The following TIAM1 variants were observed in gnomAD, a reference collection of about 807,000 sequenced individuals.
The protein encoded by TIAM1 is TIAM Rac1 associated GEF 1, also known as rho guanine nucleotide exchange factor TIAM1.
TIAM1 carries 65 observed loss-of-function variants against 163.5 expected under a neutral mutation model. The observed-to-expected ratio is 0.40, with a 90% CI of 0.33 to 0.49. The LOEUF (loss-of-function observed/expected upper bound fraction) is 0.49, where lower values mean the gene tolerates loss of function less well. TIAM1 is among the 20% of genes least tolerant of loss of function. TIAM1 has a pLI of 0.77. For missense variants in TIAM1, 1,789 were observed against 2,044.7 expected (o/e 0.87, Z 2.41); for synonymous variants, 833 against 810.1 (o/e 1.03, Z -0.48).
intron 2 of TIAM1, among the ~76,000 whole-genome samples, chr21:31,375,188 C>T (rs1199322179): frequency 2.0e-5 from 3 of 152,124 alleles, no homozygotes; most frequent in Non-Finnish European, 4.4e-5. Flanking sequence ...GGTTGGCTTT[C>T]ACAAACATTT....
chr21:31,208,585 A>C (rs1000012194), intron 11 of TIAM1, among the ~76,000 whole-genome samples: 11 of 152,244 alleles, frequency 7.2e-5, no homozygotes, highest in Admixed American at 2.0e-4. Context: ...GATTCAAAGC[A>C]CACAGAGAGG....
intron 2 of TIAM1, among the ~76,000 whole-genome samples, chr21:31,418,238 A>G (rs2043440501): frequency 6.7e-6 from 1 of 148,900 alleles, no homozygotes; most frequent in Non-Finnish European, 1.5e-5. Flanking sequence ...GCTACTCGGG[A>G]GGCTGAGACA....
intron 2 of TIAM1, among the ~76,000 whole-genome samples, chr21:31,410,493 G>C (rs978920198): frequency 1.5e-5 from 1 of 67,194 alleles, no homozygotes; most frequent in South Asian, 8.2e-4. Context: ...AAGAGTGTGT[G>C]TGATAGTGTG....
chr21:31,333,434 C>G (rs1424921861), intron 2 of TIAM1, among the ~76,000 whole-genome samples: 2 of 152,028 alleles, frequency 1.3e-5, no homozygotes, highest in African/African-American at 4.8e-5. Flanking sequence ...CTTCTATGAA[C>G]TCTCTTTTTG....
intron 15 of TIAM1, among the ~76,000 whole-genome samples, chr21:31,179,454 T>C (rs192955969): frequency 6.6e-5 from 10 of 152,006 alleles, no homozygotes; most frequent in Admixed American, 5.9e-4. Context: ...AGGACAAAAT[T>C]TGAGTCATAG....
At chr21:31,524,000 A>G (rs2047694426) in intron 1 of TIAM1, among the ~76,000 whole-genome samples, 1 of 148,272 alleles carries the variant, frequency 6.7e-6, no homozygotes, top group Non-Finnish European at 1.5e-5. Context: ...CTGGGTGACG[A>G]AGCCAGACCC....
chr21:31,331,567 G>A (rs951492376), intron 2 of TIAM1, among the ~76,000 whole-genome samples: 2 of 152,184 alleles, frequency 1.3e-5, no homozygotes, highest in African/African-American at 2.4e-5. Context: ...GGGAATCTCC[G>A]GCTATGCCAC....
At chr21:31,390,928 C>CT (rs2076955501) in intron 2 of TIAM1, among the ~76,000 whole-genome samples, 3 of 152,140 alleles carry the variant, frequency 2.0e-5, no homozygotes, top group Admixed American at 2.0e-4. Flanking sequence ...CGTAGTAGGA[C>CT]CTGGGCACGC....
In TIAM1 at chr21:31,266,488, G is replaced by A. The variant is rs371762800; in HGVS notation, c.485C>T (p.Thr162Met). 32 of 1,614,032 alleles carry A rather than the reference G, an allele frequency of 2.0e-5. No homozygotes were observed. Among genetic ancestry groups the A allele is most frequent in the South Asian group, 1.8e-4 (16 of 91,088 alleles). The change falls in exon 4 of 28, where the codon ACG (threonine) becomes ATG (methionine). Residue 162 changes from threonine to methionine, a missense_variant. By Grantham distance (81) the Thr-to-Met change is moderately conservative. Around this residue, in one of 5 missense-constraint regions of TIAM1, gnomAD observed 555 missense variants for 564.9 expected, o/e 0.98. Coordinates refer to ENST00000541036, the MANE Select transcript of TIAM1 (RefSeq NM_001353694.2). ...GGAGCGTTTCTTCTTAAAGCTCGCC[G>A]TCTCCATGAAAGTGGGCCCATTGGA... ...YTSNGPTFMETASFKKKRSKS... is the reference protein window; with the variant it reads ...YTSNGPTFMEMASFKKKRSKS...
At chr21:31,426,776 CA>C (rs1569321183) in intron 2 of TIAM1, among the ~76,000 whole-genome samples, 1 of 152,044 alleles carries the variant, frequency 6.6e-6, no homozygotes, top group African/African-American at 2.4e-5. Flanking sequence ...GTCATCAGAA[CA>C]GCAAGAAAAA....
At chr21:31,164,851 C>T (rs1245626906) in intron 16 of TIAM1, 111 bp downstream of exon 16, 1 of 1,071,698 alleles carries the variant, frequency 9.3e-7, no homozygotes, top group East Asian at 2.6e-5. Flanking sequence ...GAAGCAAAAA[C>T]ACTTCGTCCA....
At chr21:31,514,508 T>C (rs1190071292) in intron 1 of TIAM1, among the ~76,000 whole-genome samples, 1 of 144,686 alleles carries the variant, frequency 6.9e-6, no homozygotes, top group South Asian at 2.2e-4. Context: ...TAAAACCCCA[T>C]CTCTACTAAA....
At chr21:31,526,953 C>T (rs1427423211) in intron 1 of TIAM1, among the ~76,000 whole-genome samples, 1 of 152,124 alleles carries the variant, frequency 6.6e-6, no homozygotes, top group Non-Finnish European at 1.5e-5. Flanking sequence ...CCACCTGCCT[C>T]AGCCTCCCAA....
intron 4 of TIAM1, among the ~76,000 whole-genome samples, chr21:31,264,499 C>A (rs908542202): frequency 2.0e-5 from 3 of 152,256 alleles, no homozygotes; most frequent in Middle Eastern, 3.4e-3. Flanking sequence ...AACCTTATTA[C>A]CCCCATTTGA....
At chr21:31,183,613 C>T (rs2085137146) in intron 14 of TIAM1, among the ~76,000 whole-genome samples, 1 of 152,178 alleles carries the variant, frequency 6.6e-6, no homozygotes, top group Non-Finnish European at 1.5e-5. Flanking sequence ...GAAAATGACC[C>T]TACAAAGAAG....
intron 2 of TIAM1, among the ~76,000 whole-genome samples, chr21:31,419,957 G>A (rs1028817589): frequency 1.3e-5 from 2 of 152,208 alleles, no homozygotes; most frequent in African/African-American, 4.8e-5. Context: ...GCTGAGGCAG[G>A]AGAATCGCTT....
intron 2 of TIAM1, among the ~76,000 whole-genome samples, chr21:31,358,917 C>T (rs1401292167): frequency 6.6e-6 from 1 of 152,138 alleles, no homozygotes; most frequent in East Asian, 1.9e-4. Context: ...CCTCTGGCCT[C>T]GTTATTACTT....
At chr21:31,528,436 T>G (rs923564369) in intron 1 of TIAM1, among the ~76,000 whole-genome samples, 1 of 151,934 alleles carries the variant, frequency 6.6e-6, no homozygotes, top group Non-Finnish European at 1.5e-5. Context: ...GGAAGCTCCC[T>G]GAGCACAAGA....
In TIAM1 at chr21:31,453,723, TAAATA is replaced by T. The variant is rs756628855; in HGVS notation, c.-369+10255_-369+10259del. On this transcript the variant is annotated intron_variant, in intron 2 of 28. Transcript: ENST00000286827. Reference sequence around the variant, plus strand: ...ATAAATAAATAAATAAATAAATAAATAAATAAATAAATTTTAAAAAATAAAAAAAA... The same window carrying T: ...ATAAATAAATAAATAAATAAATAAATAATAAATTTTAAAAAATAAAAAAAA... 7.6e-3 allele frequency among the ~76,000 whole-genome samples: 1,134 copies of T among 148,472 alleles called. 13 individuals are homozygous for T. Among genetic ancestry groups the T allele is most frequent in the Middle Eastern group, 0.021 (6 of 290 alleles).
Sources: gnomAD v4.1 joint callset for allele counts (sites outside exome capture counted in the v4.1 genomes callset) on GRCh38, gnomAD v4.1.1 for gene constraint, gnomAD v4.1.1 regional missense constraint, MANE v1.5 for transcripts, NCBI Gene and HGNC (gene_info 2026-07-23, HGNC 2026-07-21) for gene names.